Variants in GNAL observed in about 807,000 individuals in gnomAD.
GNAL encodes the protein G protein subunit alpha L.
A neutral mutation model predicts 55.1 loss-of-function variants in GNAL; 18 were observed. That is an observed-to-expected ratio of 0.33 (90% CI 0.23 to 0.48). GNAL has a LOEUF of 0.48. Among genes scored for constraint, GNAL ranks in the 20% least tolerant of loss-of-function variants. The probability of loss-of-function intolerance (pLI) is 0.99; values close to 1 mark genes in which losing one functional copy is unlikely to be tolerated. For missense variants in GNAL, 412 were observed against 614.1 expected, an observed-to-expected ratio of 0.67 and a Z score of 3.48; for synonymous variants, 253 against 237.0, an observed-to-expected ratio of 1.07 and a Z score of -0.62.
chr18:11,802,242 A>C (rs2034540497), intron 4 of GNAL, among the ~76,000 whole-genome samples: 1 of 152,152 alleles, frequency 6.6e-6, no homozygotes, highest in Non-Finnish European at 1.5e-5. Context: ...TAAAAGACTG[A>C]TGACAGGGTA....
intron 10 of GNAL, among the ~76,000 whole-genome samples, chr18:11,873,690 G>A (rs2036451955): frequency 1.3e-5 from 2 of 152,186 alleles, no homozygotes; most frequent in Non-Finnish European, 2.9e-5. Context: ...CAGGACTGAG[G>A]CCGGGTGCCG....
Position 11,877,165 on chromosome 18 carries a change from A to G in GNAL, c.1230+477A>G, listed in dbSNP as rs181589819. Among the ~76,000 whole-genome samples the G allele has an allele frequency of 3.0e-4, 45 of 152,318 alleles. 1 individual carries two copies. The East Asian group carries it at 8.5e-3, about 29-fold the overall frequency. On this transcript the variant is annotated intron_variant, in intron 11 of 11. Coordinates refer to ENST00000334049, the MANE Select transcript of GNAL (RefSeq NM_182978.4). ...GAAGATTTGTACAAATAACTCCCAT[A>G]TACTCAGGCCGGGTGCGGTGGCTCA...
chr18:11,880,665 C>T (rs1450743026), intron 11 of GNAL, among the ~76,000 whole-genome samples: 2 of 152,176 alleles, frequency 1.3e-5, no homozygotes, highest in African/African-American at 4.8e-5. Flanking sequence ...ATCATATTGG[C>T]AGGGCAGATA....
rs185342445 is a variant in GNAL, at chr18:11,869,755, A to G, written c.1031+1092A>G. On this transcript the variant is annotated intron_variant, in intron 9 of 11. Transcript: ENST00000334049. ...TGTTGAAACCCTGTCTCTACAAAAA[A>G]TACAAAAATTAGGCATGGTGGGGCG... 3.2e-3 allele frequency among the ~76,000 whole-genome samples: 483 copies of G among 152,140 alleles called. 2 individuals carry two copies. Among genetic ancestry groups the G allele is most frequent in the African/African-American group, 0.011 (472 of 41,508 alleles).
At chr18:11,788,897 G>GAAAAAAAAAAAAA (rs1162398867) in intron 4 of GNAL, among the ~76,000 whole-genome samples, 24 of 82,510 alleles carry the variant, frequency 2.9e-4, no homozygotes, top group African/African-American at 6.0e-4. Flanking sequence ...ACTCCGTCTC[G>GAAAAAAAAAAAAA]AAAAAAAAAA....
At chr18:11,880,584 T>C (rs553011312) in intron 11 of GNAL, among the ~76,000 whole-genome samples, 1 of 152,112 alleles carries the variant, frequency 6.6e-6, no homozygotes, top group South Asian at 2.1e-4. Context: ...CAAAAATATA[T>C]AAATAAACAA....
chr18:11,861,849 G>A (rs1029723400), intron 5 of GNAL, among the ~76,000 whole-genome samples: 5 of 151,924 alleles, frequency 3.3e-5, no homozygotes, highest in African/African-American at 9.7e-5. Flanking sequence ...TCTCGCTCTC[G>A]CACACTTTCC....
At chr18:11,819,058 G>A (rs777239019) in intron 4 of GNAL, among the ~76,000 whole-genome samples, 5 of 152,312 alleles carry the variant, frequency 3.3e-5, no homozygotes, top group South Asian at 2.1e-4. Flanking sequence ...CCACACTCAC[G>A]TCAAGTGATG....
At chr18:11,843,059 C>T (rs533008326) in intron 5 of GNAL, among the ~76,000 whole-genome samples, 5 of 152,122 alleles carry the variant, frequency 3.3e-5, no homozygotes, top group Non-Finnish European at 7.4e-5. Context: ...AGGCCAGGCA[C>T]AGTGGCTCAT....
chr18:11,819,985 C>A, intron 4 of GNAL, among the ~76,000 whole-genome samples: 1 of 151,924 alleles, frequency 6.6e-6, no homozygotes, highest in East Asian at 1.9e-4. Context: ...GAGTTGGGAG[C>A]TTATATACCA....
At chr18:11,716,803 C>T (rs1036212113) in intron 1 of GNAL, among the ~76,000 whole-genome samples, 1 of 152,128 alleles carries the variant, frequency 6.6e-6, no homozygotes, top group African/African-American at 2.4e-5. Context: ...TACAGAGTGC[C>T]GATTGGTGTA....
Position 11,766,077 on chromosome 18 carries a change from G to A in GNAL, c.624+12132G>A, listed in dbSNP as rs1382839912. On this transcript the variant is annotated intron_variant, in intron 4 of 11. Coordinates refer to ENST00000334049, the MANE Select transcript of GNAL (RefSeq NM_182978.4). ...CAGGAATCAGTAGAAGGAGCAGAGCGAGGAGGCTATTCTTATGCCAAATTA... is the reference window on the plus strand; with the variant it reads ...CAGGAATCAGTAGAAGGAGCAGAGCAAGGAGGCTATTCTTATGCCAAATTA... Among the ~76,000 whole-genome samples, 4 of 152,354 alleles carry A rather than the reference G, an allele frequency of 2.6e-5. No homozygotes were observed. The South Asian group carries it at 6.2e-4, about 24-fold the overall frequency.
chr18:11,691,401 T>G (rs1270551871), intron 1 of GNAL, among the ~76,000 whole-genome samples: 2 of 151,352 alleles, frequency 1.3e-5, no homozygotes, highest in African/African-American at 2.4e-5. Context: ...TTTCTCCCAT[T>G]TTGTAGGTTG....
chr18:11,862,336 C>A, intron 5 of GNAL, 59 bp from the exon 6 acceptor site: 1 of 1,391,696 alleles, frequency 7.2e-7, no homozygotes, highest in Non-Finnish European at 1.0e-6. Context: ...AATTTCTCCC[C>A]AACCCCAGGG....
intron 1 of GNAL, among the ~76,000 whole-genome samples, chr18:11,743,923 G>T (rs1055595057): frequency 3.3e-5 from 5 of 152,156 alleles, no homozygotes; most frequent in Non-Finnish European, 7.3e-5. Flanking sequence ...GACCTAGTTT[G>T]GTGGTCTTCG....
chr18:11,829,876 G>A (rs1305469065), intron 5 of GNAL, among the ~76,000 whole-genome samples: 1 of 152,158 alleles, frequency 6.6e-6, no homozygotes, highest in East Asian at 1.9e-4. Context: ...TGGGCATGGT[G>A]GCACACACCT....
Position 11,689,804 on chromosome 18 carries a change from C to G in GNAL, c.241C>G (p.Leu81Val), listed in dbSNP as rs1183190392. Residue 81 changes from leucine to valine, a missense_variant, in exon 1 of 12, where the codon CTG becomes GTG. Around this residue, in one of 5 missense-constraint regions of GNAL, gnomAD observed 228 missense variants for 194.8 expected, o/e 1.17. Coordinates refer to ENST00000334049, the MANE Select transcript of GNAL (RefSeq NM_182978.4). ...GGAGAAGCGGCAGCGCACCGAGCAG[C>G]TGAGTGCCGAGGAGCGCGAGGCGGC... The part of the protein sequence containing the change: ...PKEKRQRTEQ[L>V]SAEEREAAKE... The G allele has an allele frequency of 6.5e-7, 1 of 1,539,378 alleles. No individual in the cohort carries two copies. Among genetic ancestry groups the G allele is most frequent in the African/African-American group, 1.4e-5 (1 of 70,736 alleles).
intron 7 of GNAL, among the ~76,000 whole-genome samples, chr18:11,866,091 G>A (rs1269772170): frequency 6.7e-6 from 1 of 149,996 alleles, no homozygotes; most frequent in Non-Finnish European, 1.5e-5. Context: ...ACATCTCTCT[G>A]CTGGGAGGCG....
At chr18:11,867,344 AG>A (rs2036285698) in intron 8 of GNAL, 118 bp downstream of exon 8, 6 of 715,684 alleles carry the variant, frequency 8.4e-6, no homozygotes, top group Middle Eastern at 2.4e-4. Context: ...TAGCATTTAT[AG>A]ATTATGATGC....
Sources: gnomAD v4.1 joint callset for allele counts (sites outside exome capture counted in the v4.1 genomes callset) on GRCh38, gnomAD v4.1.1 for gene constraint, gnomAD v4.1.1 regional missense constraint, MANE v1.5 for transcripts, NCBI Gene and HGNC (gene_info 2026-07-23, HGNC 2026-07-21) for gene names.